Variants in RARS2 observed in about 807,000 individuals in gnomAD.
RARS2 encodes arginyl-tRNA synthetase 2, mitochondrial, also known as probable arginine--tRNA ligase, mitochondrial.
RARS2 carries 67 observed loss-of-function variants against 88.5 expected under a neutral mutation model. The ratio of observed to expected loss-of-function variants is 0.76; its 90% CI spans 0.62 to 0.93. The LOEUF is 0.93. Among genes scored for constraint, RARS2 ranks in the 40% least tolerant of loss-of-function variants. RARS2 has a pLI of 0.00. For missense variants in RARS2, 664 were observed against 684.2 expected, an observed-to-expected ratio of 0.97 and a Z score of 0.33; for synonymous variants, 239 against 230.3, an observed-to-expected ratio of 1.04 and a Z score of -0.34.
At chr6:87,532,574 G>T (rs1417153303) in intron 8 of RARS2, among the ~76,000 whole-genome samples, 1 of 152,206 alleles carries the variant, frequency 6.6e-6, no homozygotes, top group African/African-American at 2.4e-5. Flanking sequence ...TGCACCTTGT[G>T]TGACTCCACT....
chr6:87,585,272 A>G (rs1774788037), intron 1 of RARS2, among the ~76,000 whole-genome samples: 1 of 152,232 alleles, frequency 6.6e-6, no homozygotes. Context: ...TGCTGAGGAA[A>G]TAAGAGTGAA....
intron 6 of RARS2, 106 bp from the exon 7 acceptor site, chr6:87,545,805 T>A: frequency 7.6e-7 from 1 of 1,312,244 alleles, no homozygotes; most frequent in Non-Finnish European, 1.0e-6. Context: ...TTCTTTTCAC[T>A]AAATTTACCA....
intron 1 of RARS2, among the ~76,000 whole-genome samples, chr6:87,581,079 T>C (rs1401598298): frequency 2.6e-5 from 4 of 152,164 alleles, no homozygotes; most frequent in Non-Finnish European, 5.9e-5. Context: ...GCAAATATGA[T>C]TCTTACCGCT....
intron 12 of RARS2, among the ~76,000 whole-genome samples, chr6:87,521,143 A>G (rs1773693763): frequency 1.3e-5 from 2 of 152,254 alleles, no homozygotes; most frequent in African/African-American, 4.8e-5. Flanking sequence ...TTACTTCAAA[A>G]TAAAGTTATT....
chr6:87,568,735 A>C (rs1354663365), intron 2 of RARS2, among the ~76,000 whole-genome samples: 1 of 152,098 alleles, frequency 6.6e-6, no homozygotes, highest in Non-Finnish European at 1.5e-5. Context: ...TTTTCCACTT[A>C]CTTCTTTGTT....
At chr6:87,588,118 C>A (rs527717286) in intron 1 of RARS2, among the ~76,000 whole-genome samples, 4 of 152,080 alleles carry the variant, frequency 2.6e-5, no homozygotes, top group Non-Finnish European at 5.9e-5. Flanking sequence ...CAAAACTAAA[C>A]ACAATTTGTT....
At chr6:87,589,859 G>T (rs1049702526) in intron 1 of RARS2, 63 bp downstream of exon 1, 2 of 1,613,934 alleles carry the variant, frequency 1.2e-6, no homozygotes, top group African/African-American at 2.7e-5. Context: ...GGCCCGCAGC[G>T]GTGAAAGGCC....
chr6:87,529,776 C>G, intron 9 of RARS2, 128 bp from the exon 10 acceptor site: 2 of 704,928 alleles, frequency 2.8e-6, no homozygotes, highest in South Asian at 3.0e-5. Context: ...AAATCAAGGG[C>G]TGAGTGTGGT....
chr6:87,585,692 A>G (rs1774939224), intron 1 of RARS2, among the ~76,000 whole-genome samples: 2 of 152,148 alleles, frequency 1.3e-5, no homozygotes. Flanking sequence ...AGATCACGCC[A>G]TTGCACTCTA....
At chr6:87,542,131 T>C (rs2128107376) in intron 7 of RARS2, 137 bp from the exon 8 acceptor site, 1 of 679,154 alleles carries the variant, frequency 1.5e-6, no homozygotes. Flanking sequence ...AACACACTTT[T>C]ACCTTCTATG....
intron 3 of RARS2, among the ~76,000 whole-genome samples, chr6:87,563,045 C>T (rs891696814): frequency 6.6e-6 from 1 of 152,066 alleles, no homozygotes; most frequent in African/African-American, 2.4e-5. Flanking sequence ...TCAAATTCAC[C>T]TTGTAACAAG....
At chr6:87,567,355 A>T (rs1768246367) in intron 2 of RARS2, among the ~76,000 whole-genome samples, 1 of 152,258 alleles carries the variant, frequency 6.6e-6, no homozygotes, top group South Asian at 2.1e-4. Flanking sequence ...TATACTTAAA[A>T]AAGTTTAAAA....
intron 10 of RARS2, among the ~76,000 whole-genome samples, chr6:87,528,094 G>A (rs550910498): frequency 4.4e-4 from 66 of 151,590 alleles, no homozygotes; most frequent in Non-Finnish European, 7.4e-4. Flanking sequence ...CCAAAGACCC[G>A]TATAGACATT....
chr6:87,541,847 G>C, intron 8 of RARS2, 71 bp downstream of exon 8: 12 of 1,187,862 alleles, frequency 1.0e-5, no homozygotes, highest in Non-Finnish European at 1.4e-5. Flanking sequence ...ATAAACCTCT[G>C]GGATTAAAAA....
chr6:87,545,733 T>C (rs1482586319), intron 6 of RARS2, 34 bp from the exon 7 acceptor site: 5 of 1,602,522 alleles, frequency 3.1e-6, no homozygotes, highest in Non-Finnish European at 4.3e-6. Context: ...TTTCTCATTC[T>C]TGTTATCCAT....
intron 5 of RARS2, among the ~76,000 whole-genome samples, chr6:87,552,900 G>C (rs1784799756): frequency 6.6e-6 from 1 of 152,164 alleles, no homozygotes; most frequent in Non-Finnish European, 1.5e-5. Context: ...TTGCCAGTTA[G>C]GTAATTGAAA....
intron 4 of RARS2, among the ~76,000 whole-genome samples, chr6:87,559,455 C>T (rs13192889): frequency 0.073 from 8,734 of 118,890 alleles, 409 homozygotes; most frequent in African/African-American, 0.15. Flanking sequence ...AAGAGTGAAA[C>T]TCTGTCTCAA....
At chr6:87,575,261 A>ACG (rs1771081139) in intron 1 of RARS2, among the ~76,000 whole-genome samples, 1 of 148,070 alleles carries the variant, frequency 6.8e-6, no homozygotes, top group Non-Finnish European at 1.5e-5. Flanking sequence ...ACACACACAC[A>ACG]CACACACACA....
intron 14 of RARS2, chr6:87,519,208 G>GTGTGTGTGTATATATA (rs1210109506): frequency 1.5e-4 from 39 of 257,720 alleles, no homozygotes; most frequent in African/African-American, 7.9e-4. Flanking sequence ...GTGTGTGTGT[G>GTGTGTGTGTATATATA]TATATATATA....
Sources: allele counts gnomAD v4.1 joint callset (sites outside exome capture counted in the v4.1 genomes callset), GRCh38; gene constraint gnomAD v4.1.1; transcripts MANE v1.5; gene names NCBI Gene and HGNC (gene_info 2026-07-23, HGNC 2026-07-21).